The following SMARCAD1 variants were observed in gnomAD, a reference collection of about 807,000 sequenced individuals.
SMARCAD1 encodes SWI/SNF-related matrix-associated actin-dependent regulator of chromatin subfamily A containing DEAD/H box 1.
SMARCAD1 carries 25 observed loss-of-function variants against 127.1 expected under a neutral mutation model. The observed-to-expected ratio is 0.20, with a 90% CI of 0.14 to 0.27. The LOEUF (loss-of-function observed/expected upper bound fraction) is 0.27. Among genes scored for constraint, SMARCAD1 ranks in the 10% least tolerant of loss-of-function variants. The pLI is 1.00. For synonymous variants in SMARCAD1, 400 were observed against 396.9 expected, an observed-to-expected ratio of 1.01 and a Z score of -0.09; for missense variants, 807 against 1,206.0, an observed-to-expected ratio of 0.67 and a Z score of 4.90.
intron 9 of SMARCAD1, among the ~76,000 whole-genome samples, chr4:94,255,009 T>C (rs956891880): frequency 6.6e-6 from 1 of 152,054 alleles, no homozygotes; most frequent in Non-Finnish European, 1.5e-5. Flanking sequence ...TATAATTTGC[T>C]TTTTCCCTGT....
intron 1 of SMARCAD1, 115 bp from the exon 2 acceptor site, chr4:94,208,231 C>T (rs764222577): frequency 1.3e-6 from 1 of 769,646 alleles, no homozygotes; most frequent in Non-Finnish European, 2.3e-6. Flanking sequence ...CCATAACAGT[C>T]CTGAGCCACT....
chr4:94,272,237 T>C (rs1006113304), intron 11 of SMARCAD1, among the ~76,000 whole-genome samples: 2 of 152,208 alleles, frequency 1.3e-5, no homozygotes, highest in African/African-American at 4.8e-5. Context: ...AAAAGCCTTG[T>C]CTCTAAATAC....
At chr4:94,264,271 A>G (rs978801026) in intron 9 of SMARCAD1, among the ~76,000 whole-genome samples, 2 of 151,962 alleles carry the variant, frequency 1.3e-5, no homozygotes, top group African/African-American at 4.8e-5. Context: ...ATAGGAAATG[A>G]CAAGTAGAGG....
chr4:94,210,534 A>G (rs565143783), intron 2 of SMARCAD1, among the ~76,000 whole-genome samples: 1 of 152,216 alleles, frequency 6.6e-6, no homozygotes, highest in African/African-American at 2.4e-5. Flanking sequence ...CATTTAGGCA[A>G]CTCCTGTAAT....
At chr4:94,285,350 A>G (rs1057400291) in intron 23 of SMARCAD1, among the ~76,000 whole-genome samples, 5 of 152,168 alleles carry the variant, frequency 3.3e-5, no homozygotes, top group African/African-American at 7.2e-5. Flanking sequence ...CCATCTCCCA[A>G]CTTCCCCAAT....
chr4:94,209,145 C>T (rs1253555151), intron 2 of SMARCAD1, among the ~76,000 whole-genome samples: 1 of 152,086 alleles, frequency 6.6e-6, no homozygotes, highest in African/African-American at 2.4e-5. Flanking sequence ...TTGTCAGAGA[C>T]AAAAGTATTT....
intron 23 of SMARCAD1, among the ~76,000 whole-genome samples, chr4:94,286,310 T>TTC (rs763428979): frequency 6.6e-6 from 1 of 152,230 alleles, no homozygotes; most frequent in Non-Finnish European, 1.5e-5. Flanking sequence ...CAGACTCATG[T>TTC]TCTCCAAAGA....
chr4:94,212,582 G>A (rs1251835961), intron 2 of SMARCAD1, among the ~76,000 whole-genome samples: 2 of 151,968 alleles, frequency 1.3e-5, no homozygotes, highest in African/African-American at 4.8e-5. Context: ...TGCCTCCTGG[G>A]TTCAAGCAAT....
chr4:94,281,582 T>G lies in SMARCAD1; in HGVS notation c.2718T>G (p.Ile906Met). The G allele has an allele frequency of 6.3e-7, 1 of 1,587,458 alleles. No individual in the cohort carries two copies. The change falls in exon 21 of 24, where the codon ATT becomes ATG. Residue 906 changes from isoleucine to methionine, a missense_variant. By Grantham distance (10) the Ile-to-Met change is conservative (BLOSUM62 1). Coordinates refer to ENST00000354268, the MANE Select transcript of SMARCAD1 (RefSeq NM_020159.5). ...RYLRLDGKTQ[I>M]SERIHLIDEF... Reference sequence around the variant, plus strand: ...TCAGATTAGATGGAAAGACTCAGATTTCTGAAAGGTTGGTATAATTCATGT... The same window carrying G: ...TCAGATTAGATGGAAAGACTCAGATGTCTGAAAGGTTGGTATAATTCATGT...
intron 2 of SMARCAD1, among the ~76,000 whole-genome samples, chr4:94,224,122 C>G (rs1418391677): frequency 2.0e-5 from 3 of 152,090 alleles, no homozygotes; most frequent in Non-Finnish European, 4.4e-5. Flanking sequence ...ATGTAGGTTT[C>G]TTCATGTTTA....
At chr4:94,277,555 A>G (rs1753478897) in intron 16 of SMARCAD1, among the ~76,000 whole-genome samples, 3 of 152,082 alleles carry the variant, frequency 2.0e-5, no homozygotes, top group South Asian at 4.2e-4. Context: ...GAAAATGCCT[A>G]TGCTGAGAAA....
intron 2 of SMARCAD1, 80 bp from the exon 3 acceptor site, chr4:94,226,039 T>C: frequency 8.5e-7 from 1 of 1,179,702 alleles, no homozygotes; most frequent in East Asian, 2.4e-5. Flanking sequence ...AAATTTGAGA[T>C]TTTAGCACAT....
At chr4:94,236,214 A>G (rs1463263530) in intron 4 of SMARCAD1, among the ~76,000 whole-genome samples, 1 of 152,176 alleles carries the variant, frequency 6.6e-6, no homozygotes, top group Admixed American at 6.6e-5. Context: ...ACTTGATTTA[A>G]TACAAAAAGT....
intron 12 of SMARCAD1, among the ~76,000 whole-genome samples, chr4:94,273,932 GT>G (rs1269610624): frequency 2.6e-5 from 4 of 152,140 alleles, no homozygotes; most frequent in Non-Finnish European, 4.4e-5. Flanking sequence ...ATGTAAGTCA[GT>G]TTTAAAATTT....
Position 94,289,535 on chromosome 4 carries a change from A to AAT in SMARCAD1, c.*3_*4dup. On this transcript the variant is annotated 3_prime_UTR_variant, in exon 24 of 24. Coordinates refer to ENST00000354268, the MANE Select transcript of SMARCAD1 (RefSeq NM_020159.5). The stretch of plus-strand genomic sequence containing the variant: ...ACTAAAAACATCAATGGGCCTGTGA[A>AAT]ATAAGAACTGTGAACTCTCAATTGA... 1.2e-6 allele frequency: 2 copies of AAT among 1,611,854 alleles called. No homozygotes were observed. Among genetic ancestry groups the AAT allele is most frequent in the African/African-American group, 2.7e-5 (2 of 74,988 alleles).
In SMARCAD1 at chr4:94,257,261, A is replaced by T. The variant is rs140775182; in HGVS notation, c.1281+4254A>T. 5.3e-3 allele frequency among the ~76,000 whole-genome samples: 809 copies of T among 152,306 alleles called. 5 individuals are homozygous for T. Among genetic ancestry groups the T allele is most frequent in the African/African-American group, 0.018 (767 of 41,572 alleles). On this transcript the variant is annotated intron_variant, in intron 9 of 23. Transcript: ENST00000354268. Reference sequence around the variant, plus strand: ...TTGTTTTACCTAAAATTGAAACAGCATGTGCAGAAATGAAAAAGTAAAGTT... The same window carrying T: ...TTGTTTTACCTAAAATTGAAACAGCTTGTGCAGAAATGAAAAAGTAAAGTT...
chr4:94,259,511 G>GGA (rs1750632039), intron 9 of SMARCAD1, among the ~76,000 whole-genome samples: 1 of 152,088 alleles, frequency 6.6e-6, no homozygotes, highest in Non-Finnish European at 1.5e-5. Context: ...GTGTGGGAGG[G>GGA]GAGAGGTAGG....
At chr4:94,274,402 C>T (rs1434590068) in intron 12 of SMARCAD1, among the ~76,000 whole-genome samples, 3 of 152,000 alleles carry the variant, frequency 2.0e-5, no homozygotes, top group Non-Finnish European at 2.9e-5. Flanking sequence ...CTTGGCTCAC[C>T]GCAACCTCCG....
chr4:94,264,299 A>G (rs1395531517), intron 9 of SMARCAD1, among the ~76,000 whole-genome samples: 2 of 151,986 alleles, frequency 1.3e-5, no homozygotes, highest in Admixed American at 1.3e-4. Flanking sequence ...TCAGATTTGC[A>G]GTGACTACAT....
Sources: allele counts gnomAD v4.1 joint callset (sites outside exome capture counted in the v4.1 genomes callset), GRCh38; gene constraint gnomAD v4.1.1; transcripts MANE v1.5; gene names NCBI Gene and HGNC (gene_info 2026-07-23, HGNC 2026-07-21).